SERPINA6: variants seen among roughly 807,000 people sequenced by gnomAD.
The protein encoded by SERPINA6 is serpin family A member 6.
In SERPINA6, 19 loss-of-function variants were observed where a neutral mutation model predicts 26.4. The ratio of observed to expected loss-of-function variants is 0.72; its 90% CI spans 0.50 to 1.06. The LOEUF (loss-of-function observed/expected upper bound fraction) is 1.06, where lower values mean the gene tolerates loss of function less well. Among genes scored for constraint, SERPINA6 ranks in the 50% least tolerant of loss-of-function variants. The pLI is 0.00. For synonymous variants in SERPINA6, 196 were observed against 199.4 expected (o/e 0.98, Z 0.14); for missense variants, 473 against 504.0 (o/e 0.94, Z 0.59).
At chr14:94,312,064 A>G (rs899670437) in intron 2 of SERPINA6, among the ~76,000 whole-genome samples, 2 of 152,346 alleles carry the variant, frequency 1.3e-5, no homozygotes, top group East Asian at 1.9e-4. Flanking sequence ...CTGGCTTGCT[A>G]GAAATATTTC....
At chr14:94,304,926 G>T (rs928184710) in intron 4 of SERPINA6, among the ~76,000 whole-genome samples, 1 of 152,190 alleles carries the variant, frequency 6.6e-6, no homozygotes, top group Non-Finnish European at 1.5e-5. Context: ...AGCGGAGGGA[G>T]ATCTTGCTCC....
At chr14:94,319,572 T>G (rs551273356) in intron 1 of SERPINA6, among the ~76,000 whole-genome samples, 2 of 152,190 alleles carry the variant, frequency 1.3e-5, no homozygotes, top group African/African-American at 4.8e-5. Flanking sequence ...TGTCTATCAA[T>G]GGATGAATGA....
At chr14:94,313,927 A>T (rs991192238) in intron 2 of SERPINA6, 109 bp downstream of exon 2, 1 of 1,134,154 alleles carries the variant, frequency 8.8e-7, no homozygotes, top group African/African-American at 1.5e-5. Context: ...CCAGATGTGT[A>T]TGTGCTTTAC....
chr14:94,306,888 C>A (rs559077496), intron 3 of SERPINA6, among the ~76,000 whole-genome samples: 1 of 152,302 alleles, frequency 6.6e-6, no homozygotes, highest in African/African-American at 2.4e-5. Flanking sequence ...TTTTTAAATT[C>A]TTCTTGTGCC....
intron 2 of SERPINA6, among the ~76,000 whole-genome samples, chr14:94,311,969 A>G (rs1373559556): frequency 6.6e-6 from 1 of 152,116 alleles, no homozygotes; most frequent in East Asian, 1.9e-4. Context: ...AAATAAATAA[A>G]TAAATAAATA....
rs1278995218 is a variant in SERPINA6, at chr14:94,314,337, C to A, written c.312G>T (p.Glu104Asp). The change falls in exon 2 of 5, where the codon GAG (glutamate) becomes GAT (aspartate). Residue 104 changes from glutamate (E) to aspartate (D), a missense_variant. Physicochemically the swap from Glu to Asp is conservative, Grantham distance 45 (BLOSUM62 2). Transcript: ENST00000341584. ...GCAGGTGCTGGAAACCCTGGTGGAT[C>A]TCAGTCTCAGACCTCTCAGTGAGGT... ...GFNLTERSETEIHQGFQHLHQ... is the reference protein window; with the variant it reads ...GFNLTERSETDIHQGFQHLHQ... 1.2e-6 allele frequency: 2 copies of A among 1,614,164 alleles called. No homozygotes were observed. The highest frequency in any genetic ancestry group is 1.7e-6 in the Non-Finnish European group (2 of 1,180,020).
At chr14:94,320,089 G>T (rs1038044448) in intron 1 of SERPINA6, among the ~76,000 whole-genome samples, 1 of 152,130 alleles carries the variant, frequency 6.6e-6, no homozygotes, top group Admixed American at 6.6e-5. Context: ...GTGGTTTCAG[G>T]CCCTGTGCTG....
rs1895505329 is a variant in SERPINA6, at chr14:94,310,006, C to A, written c.614G>T (p.Gly205Val). 1 of 1,613,880 alleles carries A rather than the reference C, an allele frequency of 6.2e-7. No homozygotes were observed. Among genetic ancestry groups the A allele is most frequent in the Non-Finnish European group, 8.5e-7 (1 of 1,179,972 alleles). The stretch of plus-strand genomic sequence containing the variant: ...CAGGTCAAAGGGCTGTGTCCATGTG[C>A]CTAGGAAGAGGAGGAGACAGGTCTG... The part of the protein sequence containing the change: ...LVLVNYIFFK[G>V]TWTQPFDLAS... The change falls in exon 3 of 5, where the codon GGC (glycine) becomes GTC (valine). Residue 205 changes from glycine (G) to valine (V), a missense_variant and splice_region_variant. Gly to Val is a moderately radical substitution (Grantham distance 109). Coordinates refer to ENST00000341584, the MANE Select transcript of SERPINA6 (RefSeq NM_001756.4).
At chr14:94,312,981 A>G (rs924800718) in intron 2 of SERPINA6, among the ~76,000 whole-genome samples, 2 of 152,178 alleles carry the variant, frequency 1.3e-5, no homozygotes, top group Non-Finnish European at 2.9e-5. Flanking sequence ...TCCTTTGAAT[A>G]TGATTGCTTA....
In SERPINA6 at chr14:94,304,630, A is replaced by G. The variant is rs760728948; in HGVS notation, c.1033-27T>C. On this transcript the variant is annotated intron_variant, in intron 4 of 4. Transcript: ENST00000341584. The stretch of plus-strand genomic sequence containing the variant: ...TGTTAGGTACAGAATGAAGATGGGT[A>G]GTGAGACCTGCTGTGCGTTCTCGCT... 1.9e-6 allele frequency: 3 copies of G among 1,595,566 alleles called. No homozygotes were observed. The East Asian group carries it at 6.7e-5, about 36-fold the overall frequency.
chr14:94,311,336 A>G (rs1895526429), intron 2 of SERPINA6, among the ~76,000 whole-genome samples: 1 of 152,234 alleles, frequency 6.6e-6, no homozygotes, highest in Admixed American at 6.5e-5. Flanking sequence ...CTTACAGCAA[A>G]AAAACAAAGT....
intron 1 of SERPINA6, among the ~76,000 whole-genome samples, chr14:94,316,332 T>C (rs1221402996): frequency 6.6e-6 from 1 of 152,210 alleles, no homozygotes; most frequent in Non-Finnish European, 1.5e-5. Flanking sequence ...AGAATGTGTA[T>C]TCTGTTGTTG....
At chr14:94,320,196 G>T (rs937216521) in intron 1 of SERPINA6, among the ~76,000 whole-genome samples, 2 of 152,108 alleles carry the variant, frequency 1.3e-5, no homozygotes, top group Non-Finnish European at 2.9e-5. Context: ...CTGGGTGAGG[G>T]GCTGGGAACC....
chr14:94,313,981 G>T, intron 2 of SERPINA6, 55 bp downstream of exon 2: 1 of 1,598,146 alleles, frequency 6.3e-7, no homozygotes, highest in Non-Finnish European at 8.6e-7. Context: ...GATTTTAGCG[G>T]CTGTTATTCC....
intron 3 of SERPINA6, among the ~76,000 whole-genome samples, chr14:94,307,703 C>T (rs564270318): frequency 1.3e-5 from 2 of 152,292 alleles, no homozygotes; most frequent in South Asian, 2.1e-4. Flanking sequence ...TTCACACCCA[C>T]GCATATATAT....
At chr14:94,315,502 C>T (rs1462210790) in intron 1 of SERPINA6, among the ~76,000 whole-genome samples, 1 of 151,930 alleles carries the variant, frequency 6.6e-6, no homozygotes, top group Non-Finnish European at 1.5e-5. Context: ...TTAGTTTGCT[C>T]TTTTTCTAGT....
chr14:94,322,873 A>G (rs1895703542), intron 1 of SERPINA6, among the ~76,000 whole-genome samples: 1 of 152,118 alleles, frequency 6.6e-6, no homozygotes, highest in African/African-American at 2.4e-5. Context: ...ACCCGCGGCC[A>G]GCATCCTTCA....
intron 3 of SERPINA6, among the ~76,000 whole-genome samples, chr14:94,307,297 G>A (rs2144834): frequency 0.21 from 31,312 of 151,950 alleles, 3,403 homozygotes; most frequent in Non-Finnish European, 0.25. Flanking sequence ...TTAATTTCCA[G>A]GTTGAGAGAC....
At chr14:94,313,344 C>T (rs544953131) in intron 2 of SERPINA6, among the ~76,000 whole-genome samples, 11 of 152,296 alleles carry the variant, frequency 7.2e-5, no homozygotes, top group African/African-American at 1.9e-4. Context: ...AATTGCTAAT[C>T]GGCTGGCCTT....
Sources: gnomAD v4.1 joint callset for allele counts (sites outside exome capture counted in the v4.1 genomes callset) on GRCh38, gnomAD v4.1.1 for gene constraint, MANE v1.5 for transcripts, NCBI Gene and HGNC (gene_info 2026-07-23, HGNC 2026-07-21) for gene names.